Variants in ITPR2 observed in about 807,000 individuals in gnomAD.
ITPR2 encodes the protein inositol 1,4,5-trisphosphate receptor type 2, also known as inositol 1,4,5-trisphosphate-gated calcium channel ITPR2.
A neutral mutation model predicts 317.1 loss-of-function variants in ITPR2; 207 were observed. The ratio of observed to expected loss-of-function variants is 0.65; its 90% CI spans 0.58 to 0.73. The LOEUF (loss-of-function observed/expected upper bound fraction) is 0.73, where lower values mean the gene tolerates loss of function less well. Among genes scored for constraint, ITPR2 ranks in the 30% least tolerant of loss-of-function variants. The pLI is 0.00. For missense variants in ITPR2, 2,613 were observed against 3,284.0 expected, an observed-to-expected ratio of 0.80 and a Z score of 4.99; for synonymous variants, 1,156 against 1,149.1, an observed-to-expected ratio of 1.01 and a Z score of -0.12.
intron 10 of ITPR2, 115 bp downstream of exon 10, chr12:26,695,491 T>C: frequency 3.7e-6 from 3 of 817,994 alleles, no homozygotes; most frequent in Non-Finnish European, 6.2e-6. Context: ...TAGGCTCTAC[T>C]CAGAAAATCT....
At chr12:26,401,418 T>G (rs1378179697) in intron 52 of ITPR2, among the ~76,000 whole-genome samples, 1 of 152,112 alleles carries the variant, frequency 6.6e-6, no homozygotes, top group African/African-American at 2.4e-5. Context: ...AAAATTCTAT[T>G]TAGGGATAAA....
intron 2 of ITPR2, among the ~76,000 whole-genome samples, chr12:26,741,655 G>T (rs907212959): frequency 6.6e-6 from 1 of 152,192 alleles, no homozygotes; most frequent in African/African-American, 2.4e-5. Context: ...TCCCCTGAAC[G>T]TGTAAGAAAA....
Position 26,337,001 on chromosome 12 carries a change from T to C in ITPR2, c.*2396A>G, listed in dbSNP as rs1170588839. The C allele has an allele frequency of 6.6e-6, 1 of 150,514 alleles. No homozygotes were observed. The highest frequency in any genetic ancestry group is 3.2e-3 in the Middle Eastern group (1 of 314). The allele number at this position is 150,514 out of a possible 1,614,324, so 9.3% of individuals were successfully genotyped here. ...TGCTGTTTTTTTTTTTTTTGCTTTA[T>C]AATTTCTAAGCATTTAGGCAGAAAA... On this transcript the variant is annotated 3_prime_UTR_variant, in exon 57 of 57. Transcript: ENST00000381340.
At chr12:26,823,438 TAA>T (rs1167452638) in intron 1 of ITPR2, among the ~76,000 whole-genome samples, 1 of 152,162 alleles carries the variant, frequency 6.6e-6, no homozygotes, top group African/African-American at 2.4e-5. Flanking sequence ...AAAGGAAGAT[TAA>T]GTTTTTCAGA....
intron 14 of ITPR2, 136 bp downstream of exon 14, chr12:26,665,774 A>C: frequency 1.3e-6 from 1 of 747,216 alleles, no homozygotes; most frequent in South Asian, 1.9e-5. Flanking sequence ...AAACTGTGAG[A>C]CAAGAAGTAT....
At chr12:26,625,032 C>G (rs1946589201) in intron 23 of ITPR2, among the ~76,000 whole-genome samples, 1 of 152,068 alleles carries the variant, frequency 6.6e-6, no homozygotes. Flanking sequence ...ATCCTGTCAT[C>G]TGCAACAACA....
chr12:26,455,028 T>A (rs1446209835), intron 45 of ITPR2, among the ~76,000 whole-genome samples: 1 of 152,112 alleles, frequency 6.6e-6, no homozygotes, highest in Non-Finnish European at 1.5e-5. Context: ...CTGTTTCTCA[T>A]AGTCTTGACA....
chr12:26,670,210 T>C (rs901831034), intron 13 of ITPR2, among the ~76,000 whole-genome samples: 5 of 152,194 alleles, frequency 3.3e-5, no homozygotes, highest in East Asian at 1.9e-4. Flanking sequence ...TCTCCCAGCA[T>C]GCAGCTGGAG....
intron 35 of ITPR2, among the ~76,000 whole-genome samples, chr12:26,557,129 C>A (rs1944685378): frequency 6.6e-6 from 1 of 152,054 alleles, no homozygotes. Flanking sequence ...CAGAATGAAT[C>A]ATTTCATCCA....
intron 45 of ITPR2, among the ~76,000 whole-genome samples, chr12:26,456,340 G>A (rs192146092): frequency 6.6e-5 from 10 of 152,278 alleles, no homozygotes; most frequent in South Asian, 2.1e-4. Context: ...TCCTAGCAGC[G>A]CCATGACAGT....
At chr12:26,787,782 G>A (rs1476991731) in intron 2 of ITPR2, among the ~76,000 whole-genome samples, 2 of 152,120 alleles carry the variant, frequency 1.3e-5, no homozygotes, top group Non-Finnish European at 2.9e-5. Flanking sequence ...CAGACTATGA[G>A]ACTATGGGCA....
chr12:26,563,182 A>G (rs1944867582), intron 34 of ITPR2, among the ~76,000 whole-genome samples: 1 of 152,222 alleles, frequency 6.6e-6, no homozygotes, highest in African/African-American at 2.4e-5. Flanking sequence ...TCAAGAAAGT[A>G]GAATACCTGA....
At position 26,595,526 on chromosome 12, in the gene ITPR2, T is replaced by A. The variant is rs1565628322; in HGVS notation, c.4319A>T (p.Glu1440Val). The A allele has an allele frequency of 6.2e-7, 1 of 1,607,762 alleles. No homozygotes were observed. Among genetic ancestry groups the A allele is most frequent in the Non-Finnish European group, 8.5e-7 (1 of 1,177,888 alleles). ...CCAAATGTGGTTACTTGTATAGATT[T>A]CTTTCATTTCCACTTCAGTGTCAAC... is the stretch of plus-strand genomic sequence containing the variant. ...CYVDTEVEMK[E>V]IYTSNHIWKL... Residue 1440 changes from glutamate to valine, a missense_variant, in exon 32 of 57, where the codon GAA (glutamate) becomes GTA (valine). Glu to Val is a moderately radical substitution (Grantham distance 121, BLOSUM62 -2). Transcript: ENST00000381340.
Position 26,624,370 on chromosome 12 carries a change from T to G in ITPR2, c.3065-14A>C, listed in dbSNP as rs1450873891. 6.3e-7 allele frequency: 1 copy of G among 1,584,086 alleles called. No homozygotes were observed. The highest frequency in any genetic ancestry group is 1.1e-5 in the South Asian group (1 of 88,664). On this transcript the variant is annotated splice_polypyrimidine_tract_variant and intron_variant, in intron 23 of 56. Coordinates refer to ENST00000381340, the MANE Select transcript of ITPR2 (RefSeq NM_002223.4). ...CAGGAACAATAGCTGCAAAGATAAA[T>G]GGTAAAATCTCTTCTTTATCCTATT...
chr12:26,726,909 T>A (rs1391389074), intron 2 of ITPR2, among the ~76,000 whole-genome samples: 1 of 152,074 alleles, frequency 6.6e-6, no homozygotes, highest in Non-Finnish European at 1.5e-5. Flanking sequence ...TAAGAACACA[T>A]ATTCCCCATG....
chr12:26,770,008 A>G (rs1949811640), intron 2 of ITPR2, among the ~76,000 whole-genome samples: 2 of 152,216 alleles, frequency 1.3e-5, no homozygotes, highest in African/African-American at 4.8e-5. Context: ...TAATGAATAT[A>G]GCATAGATAG....
chr12:26,399,066 T>C, intron 53 of ITPR2, 25 bp from the exon 54 acceptor site: 2 of 1,525,706 alleles, frequency 1.3e-6, no homozygotes, highest in Non-Finnish European at 1.8e-6. Flanking sequence ...TTTAAAAAAA[T>C]CACACTAGGC....
At chr12:26,675,015 T>C (rs1443265598) in intron 13 of ITPR2, among the ~76,000 whole-genome samples, 1 of 152,148 alleles carries the variant, frequency 6.6e-6, no homozygotes, top group East Asian at 1.9e-4. Context: ...TCACACCAGT[T>C]AGAATGGCAA....
chr12:26,747,933 C>T (rs892339287), intron 2 of ITPR2, among the ~76,000 whole-genome samples: 4 of 152,328 alleles, frequency 2.6e-5, no homozygotes, highest in Admixed American at 2.6e-4. Flanking sequence ...TCCTAAGGGA[C>T]TTCTGTGTGC....
Sources: gnomAD v4.1 joint callset for allele counts (sites outside exome capture counted in the v4.1 genomes callset) on GRCh38, gnomAD v4.1.1 for gene constraint, MANE v1.5 for transcripts, NCBI Gene and HGNC (gene_info 2026-07-23, HGNC 2026-07-21) for gene names.